Variants in C10orf90 observed in about 807,000 individuals in gnomAD.
The protein encoded by C10orf90 is chromosome 10 open reading frame 90, also known as (E2-independent) E3 ubiquitin-conjugating enzyme FATS.
In C10orf90, 56 loss-of-function variants were observed where a neutral mutation model predicts 62.5. The ratio of observed to expected loss-of-function variants is 0.90; its 90% CI spans 0.72 to 1.12. The LOEUF (loss-of-function observed/expected upper bound fraction) is 1.12. C10orf90 is among the 50% of genes most tolerant of loss of function. The pLI is 0.00. For missense variants in C10orf90, 970 were observed against 880.4 expected (o/e 1.10, Z -1.29); for synonymous variants, 386 against 340.4 (o/e 1.13, Z -1.47).
At chr10:126,600,292 G>A (rs991701438) in intron 2 of C10orf90, among the ~76,000 whole-genome samples, 5 of 152,238 alleles carry the variant, frequency 3.3e-5, no homozygotes, top group Non-Finnish European at 7.3e-5. Context: ...TGCCAAAGCT[G>A]TGCAGGTTTG....
At chr10:126,643,771 G>A (rs535304355) in intron 2 of C10orf90, among the ~76,000 whole-genome samples, 28 of 152,240 alleles carry the variant, frequency 1.8e-4, no homozygotes, top group Middle Eastern at 3.4e-3. Flanking sequence ...CTAAAACTCT[G>A]TTCTCTGGGT....
At chr10:126,628,196 A>G (rs745692124) in intron 2 of C10orf90, among the ~76,000 whole-genome samples, 2 of 152,184 alleles carry the variant, frequency 1.3e-5, no homozygotes, top group African/African-American at 4.8e-5. Flanking sequence ...TATTGGACAA[A>G]TGAGACAAGG....
intron 2 of C10orf90, among the ~76,000 whole-genome samples, chr10:126,602,038 CT>C (rs1375280477): frequency 2.6e-5 from 4 of 152,360 alleles, no homozygotes; most frequent in African/African-American, 9.6e-5. Context: ...TTTCACGTTG[CT>C]ATGTAAACGT....
At chr10:126,604,022 G>A (rs112094233) in intron 2 of C10orf90, among the ~76,000 whole-genome samples, 1,567 of 152,262 alleles carry the variant, frequency 0.01, 18 homozygotes, top group African/African-American at 0.032. Flanking sequence ...AATTAGGTGG[G>A]ACAAGCTTGA....
At chr10:126,514,319 C>T (rs748897367) in intron 2 of C10orf90, among the ~76,000 whole-genome samples, 2 of 152,178 alleles carry the variant, frequency 1.3e-5, no homozygotes, top group Non-Finnish European at 2.9e-5. Flanking sequence ...GGGTGAAATA[C>T]AATACTGATC....
At chr10:126,510,114 C>A (rs1261123529) in intron 3 of C10orf90, among the ~76,000 whole-genome samples, 2 of 152,154 alleles carry the variant, frequency 1.3e-5, no homozygotes, top group South Asian at 2.1e-4. Flanking sequence ...TAGGACCCAC[C>A]CTAATGACCT....
intron 2 of C10orf90, among the ~76,000 whole-genome samples, chr10:126,557,140 A>G (rs74542025): frequency 0.029 from 4,403 of 152,064 alleles, 164 homozygotes; most frequent in African/African-American, 0.075. Flanking sequence ...GTCAAGACAT[A>G]TGGATGTATA....
At chr10:126,566,132 G>T (rs185109391) in intron 2 of C10orf90, among the ~76,000 whole-genome samples, 1 of 152,160 alleles carries the variant, frequency 6.6e-6, no homozygotes, top group Non-Finnish European at 1.5e-5. Flanking sequence ...TTTATGCAAG[G>T]ATAACCTTGG....
At chr10:126,631,738 T>TGGTCAACAAA (rs1337086771) in intron 2 of C10orf90, among the ~76,000 whole-genome samples, 1 of 151,738 alleles carries the variant, frequency 6.6e-6, no homozygotes, top group Non-Finnish European at 1.5e-5. Context: ...GGGCAGGGAC[T>TGGTCAACAAA]TGAACAGTCA....
chr10:126,513,767 A>C (rs140534216), intron 3 of C10orf90, 81 bp downstream of exon 3: 202 of 816,582 alleles, frequency 2.5e-4, no homozygotes, highest in African/African-American at 2.4e-3. Context: ...AAATGCAATC[A>C]CATCACAAGT....
chr10:126,624,836 T>TC (rs1343806083), intron 2 of C10orf90, among the ~76,000 whole-genome samples: 3 of 151,904 alleles, frequency 2.0e-5, no homozygotes, highest in African/African-American at 7.3e-5. Flanking sequence ...CCATATTTCT[T>TC]CCCCACAAGG....
intron 3 of C10orf90, among the ~76,000 whole-genome samples, chr10:126,509,133 C>A (rs997424534): frequency 6.6e-6 from 1 of 152,134 alleles, no homozygotes. Flanking sequence ...CAAACGTGAC[C>A]GTGAGTTTTG....
chr10:126,521,120 T>C (rs1225928970), intron 2 of C10orf90, among the ~76,000 whole-genome samples: 1 of 152,188 alleles, frequency 6.6e-6, no homozygotes, highest in East Asian at 1.9e-4. Flanking sequence ...TGTTGTGTAA[T>C]GATCTGTTCC....
At chr10:126,662,089 T>C (rs1385828500) in intron 1 of C10orf90, among the ~76,000 whole-genome samples, 3 of 13,142 alleles carry the variant, frequency 2.3e-4, no homozygotes, top group Non-Finnish European at 5.9e-4. Context: ...TGTTGTAGTC[T>C]TGTTAAAAAA....
intron 2 of C10orf90, among the ~76,000 whole-genome samples, chr10:126,638,775 G>A (rs1005700242): frequency 1.3e-5 from 2 of 152,140 alleles, no homozygotes; most frequent in Admixed American, 1.3e-4. Flanking sequence ...TACAAAGCCT[G>A]CCTCCCACAG....
chr10:126,616,074 C>T (rs1845534534), intron 2 of C10orf90, among the ~76,000 whole-genome samples: 1 of 152,176 alleles, frequency 6.6e-6, no homozygotes, highest in South Asian at 2.1e-4. Context: ...TTCTGCTGGA[C>T]CATTGACCAG....
intron 2 of C10orf90, among the ~76,000 whole-genome samples, chr10:126,551,039 A>T (rs757957749): frequency 6.6e-6 from 1 of 152,216 alleles, no homozygotes; most frequent in African/African-American, 2.4e-5. Flanking sequence ...CAATCATTAC[A>T]TTAAATGTAA....
chr10:126,479,731 TCA>T (rs1861072871), intron 4 of C10orf90, among the ~76,000 whole-genome samples: 3 of 152,266 alleles, frequency 2.0e-5, no homozygotes, highest in Non-Finnish European at 4.4e-5. Context: ...TGAAGGCATT[TCA>T]TTTTCCAGAT....
At chr10:126,450,587 T>C (rs1435163069) in intron 7 of C10orf90, among the ~76,000 whole-genome samples, 1 of 152,188 alleles carries the variant, frequency 6.6e-6, no homozygotes, top group Non-Finnish European at 1.5e-5. Flanking sequence ...GAATATACAA[T>C]GGGGAGAGGA....
Sources: gnomAD v4.1 joint callset for allele counts (sites outside exome capture counted in the v4.1 genomes callset) on GRCh38, gnomAD v4.1.1 for gene constraint, MANE v1.5 for transcripts, NCBI Gene and HGNC (gene_info 2026-07-23, HGNC 2026-07-21) for gene names.